Variants in RANBP2 observed in about 807,000 individuals in gnomAD.
RANBP2 encodes the protein E3 SUMO-protein ligase RanBP2.
A neutral mutation model predicts 303.6 loss-of-function variants in RANBP2; 57 were observed. The observed-to-expected ratio is 0.19, with a 90% CI of 0.15 to 0.23. The LOEUF is 0.23. Ranked by LOEUF, RANBP2 falls within the 10% of genes least tolerant of loss-of-function variation. The pLI is 1.00. For missense variants in RANBP2, 3,138 were observed against 3,780.8 expected (o/e 0.83, Z 4.46); for synonymous variants, 1,167 against 1,301.5 (o/e 0.90, Z 2.23).
chr2:109,074,944 G>A, the RANBP2 span, among the ~76,000 whole-genome samples: 2 of 144,126 alleles, frequency 1.4e-5, no homozygotes, highest in Admixed American at 7.0e-5. Context: ...TTGCTTAACC[G>A]GGATCCGGGA....
the RANBP2 span, among the ~76,000 whole-genome samples, chr2:108,793,387 C>T: frequency 8.5e-3 from 1,286 of 151,944 alleles, 8 homozygotes; most frequent in Non-Finnish European, 0.014. Context: ...ATTTTATACT[C>T]TAATTGTTAA....
the RANBP2 span, among the ~76,000 whole-genome samples, chr2:109,303,117 C>T: frequency 3.0e-4 from 46 of 152,308 alleles, no homozygotes; most frequent in Non-Finnish European, 5.9e-4. Flanking sequence ...CTCAGGTGAT[C>T]CGTCCGCCTC....
chr2:109,493,649 A>G, the RANBP2 span, among the ~76,000 whole-genome samples: 1 of 151,454 alleles, frequency 6.6e-6, no homozygotes, highest in African/African-American at 2.4e-5. Context: ...AACACACACC[A>G]TACACACACA....
chr2:109,517,875 G>A, the RANBP2 span, among the ~76,000 whole-genome samples: 4 of 152,232 alleles, frequency 2.6e-5, no homozygotes, highest in Non-Finnish European at 5.9e-5. Flanking sequence ...CGACGCCCGA[G>A]GTCTTTGCAG....
At chr2:109,647,923 T>C in the RANBP2 span, among the ~76,000 whole-genome samples, 111,254 of 152,168 alleles carry the variant, frequency 0.73, 41,294 homozygotes, top group East Asian at 0.94. Context: ...CCTCACTCAG[T>C]GCCCACTGAG....
chr2:109,470,676 G>T, the RANBP2 span, among the ~76,000 whole-genome samples: 8 of 152,188 alleles, frequency 5.3e-5, no homozygotes, highest in African/African-American at 1.9e-4. Flanking sequence ...TGCTGTGGCC[G>T]GGGCTGGTGG....
the RANBP2 span, among the ~76,000 whole-genome samples, chr2:109,217,258 A>T: frequency 6.6e-6 from 1 of 152,024 alleles, no homozygotes; most frequent in Non-Finnish European, 1.5e-5. Flanking sequence ...CTTCCATTGA[A>T]CCTTTTGGGT....
chr2:109,698,797 C>T, the RANBP2 span, among the ~76,000 whole-genome samples: 24 of 151,774 alleles, frequency 1.6e-4, no homozygotes, highest in Non-Finnish European at 2.4e-4. Flanking sequence ...CGTGGTGGCA[C>T]GCACTTGTAG....
chr2:109,451,044 G>A, the RANBP2 span, among the ~76,000 whole-genome samples: 8 of 152,214 alleles, frequency 5.3e-5, no homozygotes, highest in African/African-American at 9.6e-5. Flanking sequence ...AACATGAGCC[G>A]GGAACGCTGC....
At chr2:109,127,886 C>T in the RANBP2 span, 1 of 152,240 alleles carries the variant, frequency 6.6e-6, no homozygotes, top group Non-Finnish European at 1.5e-5. Context: ...AAATAATTAT[C>T]TGGCAGAGCT....
the RANBP2 span, among the ~76,000 whole-genome samples, chr2:109,312,807 C>T: frequency 2.4e-4 from 36 of 152,296 alleles, no homozygotes; most frequent in African/African-American, 7.9e-4. Context: ...CCTTTTGGCT[C>T]TTGTGGGTAG....
chr2:108,734,928 A>G (rs1332700708), intron 4 of RANBP2, among the ~76,000 whole-genome samples: 1 of 152,162 alleles, frequency 6.6e-6, no homozygotes, highest in Non-Finnish European at 1.5e-5. Context: ...ACGGTGGTGC[A>G]TGCCTGTGGT....
chr2:109,663,705 T>C, the RANBP2 span, among the ~76,000 whole-genome samples: 14 of 152,186 alleles, frequency 9.2e-5, no homozygotes, highest in Non-Finnish European at 4.4e-5. Flanking sequence ...TAAACAGAAG[T>C]GAATTTAGTC....
chr2:108,843,865 TGTGTGTGTGTG>T, the RANBP2 span, among the ~76,000 whole-genome samples: 12 of 140,592 alleles, frequency 8.5e-5, 1 homozygote, highest in African/African-American at 1.1e-4. Flanking sequence ...TGTGTGTGTG[TGTGTGTGTGTG>T]TGTTTCTTTC....
At chr2:109,133,516 G>A in the RANBP2 span, among the ~76,000 whole-genome samples, 1 of 152,102 alleles carries the variant, frequency 6.6e-6, no homozygotes, top group Non-Finnish European at 1.5e-5. Flanking sequence ...CTTTTTAGCT[G>A]AACACAGTCA....
chr2:109,274,452 A>G, the RANBP2 span, among the ~76,000 whole-genome samples: 1 of 152,256 alleles, frequency 6.6e-6, no homozygotes, highest in Non-Finnish European at 1.5e-5. Context: ...TTATTCAGCC[A>G]TCAAAGGAAA....
chr2:108,768,609 T>C (rs1323889281), intron 20 of RANBP2, among the ~76,000 whole-genome samples: 6 of 152,206 alleles, frequency 3.9e-5, no homozygotes, highest in South Asian at 2.1e-4. Flanking sequence ...GAAGATACTT[T>C]TATCATGCTA....
At chr2:109,613,665 A>T in the RANBP2 span, 1 of 560,990 alleles carries the variant, frequency 1.8e-6, no homozygotes, top group Non-Finnish European at 2.6e-6. Context: ...GCCGGGGAGC[A>T]CTGGGCGGGC....
At chr2:109,613,734 G>A in the RANBP2 span, 1 of 1,094,870 alleles carries the variant, frequency 9.1e-7, no homozygotes, top group Non-Finnish European at 1.2e-6. Flanking sequence ...GGTGGGTCGA[G>A]GGCGGGAAGT....
Sources: allele counts gnomAD v4.1 joint callset (sites outside exome capture counted in the v4.1 genomes callset), GRCh38; gene constraint gnomAD v4.1.1; transcripts MANE v1.5; gene names NCBI Gene and HGNC (gene_info 2026-07-23, HGNC 2026-07-21).